Variants in LRBA observed in about 807,000 individuals in gnomAD.
The protein encoded by LRBA is LPS responsive beige-like anchor protein.
LRBA carries 176 observed loss-of-function variants against 330.0 expected under a neutral mutation model. The observed-to-expected ratio is 0.53, with a 90% CI of 0.47 to 0.60. The LOEUF (loss-of-function observed/expected upper bound fraction) is 0.60. Among genes scored for constraint, LRBA ranks in the 20% least tolerant of loss-of-function variants. The probability of loss-of-function intolerance (pLI) is 0.00; values close to 1 mark genes in which losing one functional copy is unlikely to be tolerated. For synonymous variants in LRBA, 1,230 were observed against 1,193.0 expected, an observed-to-expected ratio of 1.03 and a Z score of -0.64; for missense variants, 3,259 against 3,444.8, an observed-to-expected ratio of 0.95 and a Z score of 1.35.
intron 40 of LRBA, among the ~76,000 whole-genome samples, chr4:150,540,393 C>T (rs1033814213): frequency 1.3e-5 from 2 of 152,172 alleles, no homozygotes; most frequent in South Asian, 2.1e-4. Context: ...CGGGGTTTCA[C>T]CATGTTGGCC....
At chr4:150,589,038 T>TAC (rs1237914387) in intron 39 of LRBA, among the ~76,000 whole-genome samples, 4 of 114,588 alleles carry the variant, frequency 3.5e-5, no homozygotes, top group African/African-American at 8.4e-5. Flanking sequence ...TCTGTGTGTG[T>TAC]ATACACACAC....
At chr4:150,660,655 A>G (rs1327107153) in intron 37 of LRBA, among the ~76,000 whole-genome samples, 533 of 137,660 alleles carry the variant, frequency 3.9e-3, no homozygotes, top group Admixed American at 6.6e-3. Flanking sequence ...AAGATTGAGA[A>G]ATCGGATGGT....
At chr4:150,666,687 T>C (rs1781590791) in intron 37 of LRBA, among the ~76,000 whole-genome samples, 1 of 152,166 alleles carries the variant, frequency 6.6e-6, no homozygotes, top group African/African-American at 2.4e-5. Context: ...TCTGTGGATT[T>C]TGGTATTCAT....
chr4:150,989,037 CTG>C (rs1275699557), intron 2 of LRBA, among the ~76,000 whole-genome samples: 4 of 151,974 alleles, frequency 2.6e-5, no homozygotes, highest in African/African-American at 9.7e-5. Flanking sequence ...GAGTCTCACT[CTG>C]TCACCCAGGC....
At chr4:150,925,573 C>A (rs1030388469) in intron 4 of LRBA, among the ~76,000 whole-genome samples, 2 of 152,102 alleles carry the variant, frequency 1.3e-5, no homozygotes, top group African/African-American at 4.8e-5. Context: ...ACTATACTTG[C>A]CATTTTCCAA....
At chr4:150,691,217 A>G (rs1012261733) in intron 36 of LRBA, among the ~76,000 whole-genome samples, 1 of 152,146 alleles carries the variant, frequency 6.6e-6, no homozygotes, top group Admixed American at 6.5e-5. Context: ...GGCTTGAGCC[A>G]CCATGCCTGG....
intron 48 of LRBA, among the ~76,000 whole-genome samples, chr4:150,331,240 G>A (rs933360984): frequency 3.9e-5 from 6 of 152,170 alleles, no homozygotes; most frequent in Non-Finnish European, 5.9e-5. Flanking sequence ...CCTCTATATA[G>A]AGCAATAAAA....
chr4:150,776,563 C>T (rs1392297256), intron 34 of LRBA, among the ~76,000 whole-genome samples: 1 of 152,144 alleles, frequency 6.6e-6, no homozygotes. Flanking sequence ...CATGTAATCT[C>T]AGCACTTTAG....
chr4:150,856,150 G>C (rs1006407026), intron 22 of LRBA, among the ~76,000 whole-genome samples: 2 of 152,190 alleles, frequency 1.3e-5, no homozygotes, highest in Non-Finnish European at 2.9e-5. Context: ...TCTTTGTGGA[G>C]TGAAGTGAGA....
intron 2 of LRBA, among the ~76,000 whole-genome samples, chr4:150,953,912 G>T (rs1737166216): frequency 6.7e-6 from 1 of 150,324 alleles, no homozygotes; most frequent in African/African-American, 2.5e-5. Context: ...CGTCTAGGAA[G>T]TGAGGAGCAT....
intron 37 of LRBA, among the ~76,000 whole-genome samples, chr4:150,601,851 C>T (rs531723089): frequency 1.3e-5 from 2 of 151,686 alleles, no homozygotes; most frequent in South Asian, 2.1e-4. Flanking sequence ...GCCACCATGC[C>T]CGGCTAATTT....
chr4:150,844,228 A>G (rs761655455), intron 27 of LRBA, 21 bp from the exon 28 acceptor site: 1 of 1,165,778 alleles, frequency 8.6e-7, no homozygotes, highest in South Asian at 1.4e-5. Context: ...TTAAAAAAAA[A>G]TTGTATATAT....
intron 12 of LRBA, 27 bp from the exon 13 acceptor site, chr4:150,906,017 C>T: frequency 6.2e-7 from 1 of 1,601,968 alleles, no homozygotes; most frequent in Non-Finnish European, 8.5e-7. Context: ...TCAAATGTTA[C>T]CACAAATTCA....
intron 37 of LRBA, among the ~76,000 whole-genome samples, chr4:150,610,747 C>G (rs890977213): frequency 6.6e-6 from 1 of 152,030 alleles, no homozygotes; most frequent in African/African-American, 2.4e-5. Context: ...GTGATAAATC[C>G]ATGATCTTTC....
At chr4:150,392,288 C>T (rs930703406) in intron 47 of LRBA, among the ~76,000 whole-genome samples, 1 of 152,112 alleles carries the variant, frequency 6.6e-6, no homozygotes, top group Admixed American at 6.6e-5. Flanking sequence ...CCAACATGGC[C>T]AGTTTCTAGT....
At chr4:150,506,369 C>T (rs1313127829) in intron 40 of LRBA, among the ~76,000 whole-genome samples, 2 of 152,280 alleles carry the variant, frequency 1.3e-5, no homozygotes, top group East Asian at 3.9e-4. Flanking sequence ...CATCAAAAAG[C>T]TTATCCACCA....
intron 14 of LRBA, among the ~76,000 whole-genome samples, chr4:150,898,626 G>T (rs1730370742): frequency 7.0e-6 from 1 of 143,308 alleles, no homozygotes; most frequent in Non-Finnish European, 1.5e-5. Context: ...TTTAAAATTT[G>T]TTCCATGTGA....
chr4:150,297,848 C>T (rs1302667676), intron 53 of LRBA, among the ~76,000 whole-genome samples: 1 of 152,052 alleles, frequency 6.6e-6, no homozygotes, highest in Non-Finnish European at 1.5e-5. Context: ...AAATATTTAT[C>T]GTACAGTTGC....
chr4:150,906,789 T>A (rs1444949073), intron 11 of LRBA, among the ~76,000 whole-genome samples: 1 of 152,078 alleles, frequency 6.6e-6, no homozygotes, highest in Admixed American at 6.5e-5. Context: ...TTTGAAGCGT[T>A]AGGGGCCAAA....
Sources: gnomAD v4.1 joint callset for allele counts (sites outside exome capture counted in the v4.1 genomes callset) on GRCh38, gnomAD v4.1.1 for gene constraint, MANE v1.5 for transcripts, NCBI Gene and HGNC (gene_info 2026-07-23, HGNC 2026-07-21) for gene names.